Variants in BAHCC1 observed in about 807,000 individuals in gnomAD.
BAHCC1 encodes the protein BAH and coiled-coil domain-containing protein 1.
Under a neutral mutation model 88.2 loss-of-function variants are expected in BAHCC1, and 43 were observed. That is an observed-to-expected ratio of 0.49 (90% CI 0.38 to 0.63). BAHCC1 has a LOEUF of 0.63. Among genes scored for constraint, BAHCC1 ranks in the 20% least tolerant of loss-of-function variants. The pLI is 0.00. For synonymous variants in BAHCC1, 1,510 were observed against 745.5 expected, an observed-to-expected ratio of 2.03 and a Z score of -16.71; for missense variants, 3,023 against 1,654.8, an observed-to-expected ratio of 1.83 and a Z score of -14.34.
At chr17:81,441,668 CAAAAAA>C (rs11333301) in intron 4 of BAHCC1, among the ~76,000 whole-genome samples, 157 bp from the exon 5 acceptor site, 1 of 91,668 alleles carries the variant, frequency 1.1e-5, no homozygotes, top group Non-Finnish European at 2.1e-5. Flanking sequence ...GACTCCGTCT[CAAAAAA>C]AAAAAAAAAA....
Position 81,443,328 on chromosome 17 carries a change from C to T in BAHCC1, c.1979C>T (p.Ala660Val), listed in dbSNP as rs1555653264. ...TTGGTGGGCCTGGGTGGCCTCAAGG[C>T]CAGCTGCATCCAGCAGGAAGCAAAG... ...APLVGLGGLKASCIQQEAKFL... is the reference protein window; with the variant it reads ...APLVGLGGLKVSCIQQEAKFL... The change falls in exon 5 of 28, where the codon GCC becomes GTC. Residue 660 changes from alanine (A) to valine (V), a missense_variant. Coordinates refer to ENST00000675386, the MANE Select transcript of BAHCC1 (RefSeq NM_001377448.1). 2 of 779,142 alleles carry T rather than the reference C, an allele frequency of 2.6e-6. No individual in the cohort carries two copies. The highest frequency in any genetic ancestry group is 3.4e-5 in the Admixed American group (2 of 58,988). 48.3% of individuals were successfully genotyped at this position (779,142 alleles called of 1,614,324 possible).
chr17:81,456,058 C>T (rs1555657197), intron 15 of BAHCC1: 6 of 530,602 alleles, frequency 1.1e-5, no homozygotes, highest in African/African-American at 2.0e-5. Context: ...TCCTCCATGT[C>T]CCCTACGTGG....
At chr17:81,404,839 T>C (rs1409347289) in intron 2 of BAHCC1, among the ~76,000 whole-genome samples, 1 of 152,028 alleles carries the variant, frequency 6.6e-6, no homozygotes, top group African/African-American at 2.4e-5. Flanking sequence ...TTGTTCTCCT[T>C]CTCTCTGTGT....
Position 81,461,733 on chromosome 17 carries a change from T to A in BAHCC1, c.7070T>A (p.Leu2357Gln), listed in dbSNP as rs1274585496. The stretch of plus-strand genomic sequence containing the variant: ...TCAGACGACGAGGACCCGGCTCTGC[T>A]GCTGCAGACCTGCCTCACCCACCCC... ...YSSDDEDPAL[L>Q]LQTCLTHPVP... The change falls in exon 26 of 28, where the codon CTG becomes CAG. Residue 2357 changes from leucine to glutamine, a missense_variant. Leu to Gln is a moderately radical substitution (Grantham distance 113, BLOSUM62 -2). Transcript: ENST00000675386. 5 of 718,412 alleles carry A rather than the reference T, an allele frequency of 7.0e-6. No individual in the cohort carries two copies. Among genetic ancestry groups the A allele is most frequent in the Non-Finnish European group, 7.8e-6 (3 of 385,754 alleles). The allele number at this position is 718,412 out of a possible 1,614,324, so 44.5% of individuals were successfully genotyped here.
At position 81,399,472 on chromosome 17, in the gene BAHCC1, G is replaced by T; in HGVS notation, c.-206-62G>T. The T allele has an allele frequency of 5.0e-6, 1 of 200,658 alleles. No homozygotes were observed. The highest frequency in any genetic ancestry group is 1.1e-5 in the Non-Finnish European group (1 of 91,706). The allele number at this position is 200,658 out of a possible 1,614,324, so 12.4% of individuals were successfully genotyped here. A position where few individuals can be genotyped will look rare whatever the true frequency, so the allele number is the denominator to read the frequency against. ...GGGGAGTGGGTGAGCGGGCGGGGCG[G>T]GGACCCCCGGGCGAGCCGAGCCCCC... On this transcript the variant is annotated intron_variant, in intron 1 of 27. Coordinates refer to ENST00000675386, the MANE Select transcript of BAHCC1 (RefSeq NM_001377448.1). The surrounding 1 kb of genome is among the most constrained non-coding windows in gnomAD (Gnocchi z 4.5).
At chr17:81,397,052 G>A (rs1380883909) in intron 1 of BAHCC1, 5 of 151,996 alleles carry the variant, frequency 3.3e-5, no homozygotes, top group Admixed American at 6.5e-5. Flanking sequence ...CGGGCCGTGT[G>A]GCCGCCCTTC....
chr17:81,411,044 C>T lies in BAHCC1; in HGVS notation c.178+11127C>T, dbSNP rs1555647751. ...ATGTCTGTGTGAAGGCCTGGGGCCC[C>T]CGTGCGCCTCCCCTCGGGCCTGAGG... On this transcript the variant is annotated intron_variant, in intron 2 of 27. Coordinates refer to ENST00000675386, the MANE Select transcript of BAHCC1 (RefSeq NM_001377448.1). This position sits in a 1 kb window ranked among gnomAD's most constrained non-coding sequence, Gnocchi z 6.2. 7.7e-6 allele frequency: 4 copies of T among 518,282 alleles called. No individual in the cohort carries two copies. The highest frequency in any genetic ancestry group is 3.9e-5 in the Admixed American group (2 of 51,478). 32.1% of individuals were successfully genotyped at this position (518,282 alleles called of 1,614,324 possible).
chr17:81,418,810 C>CGTGTGTGTGTGTGTGTGT (rs70938163), intron 2 of BAHCC1, among the ~76,000 whole-genome samples: 31 of 146,332 alleles, frequency 2.1e-4, no homozygotes, highest in Non-Finnish European at 3.6e-4. Flanking sequence ...TGTGTGTGTA[C>CGTGTGTGTGTGTGTGTGT]GTGTGTGTGT....
At chr17:81,446,830 G>C (rs2064537181) in intron 10 of BAHCC1, 1 of 682,364 alleles carries the variant, frequency 1.5e-6, no homozygotes, top group Non-Finnish European at 2.7e-6. Flanking sequence ...TGGGATTACA[G>C]GTGTGAGCTA....
At chr17:81,443,696 ATCC>A in intron 5 of BAHCC1, 110 bp from the exon 6 acceptor site, 2 of 650,178 alleles carry the variant, frequency 3.1e-6, no homozygotes, top group Admixed American at 2.2e-5. Context: ...GGACCAGGGG[ATCC>A]TCCTCAGTGC....
At position 81,461,516 on chromosome 17, in the gene BAHCC1, G is replaced by T; in HGVS notation, c.6853G>T (p.Asp2285Tyr). ...CCAGGCAGAGTTCCCGCTGCCCTAC[G>T]ACAGCGACTGCCACAGCTCCTTCTC... ...AGQAEFPLPY[D>Y]SDCHSSFSDE... Residue 2285 changes from aspartate to tyrosine, a missense_variant, in exon 26 of 28, where the codon GAC becomes TAC. Physicochemically the swap from Asp to Tyr is radical, Grantham distance 160. Transcript: ENST00000675386. The T allele has an allele frequency of 2.7e-6, 2 of 739,226 alleles. No individual in the cohort carries two copies. The highest frequency in any genetic ancestry group is 5.0e-6 in the Non-Finnish European group (2 of 397,548). 45.8% of individuals were successfully genotyped at this position (739,226 alleles called of 1,614,324 possible). A position where few individuals can be genotyped will look rare whatever the true frequency, so the allele number is the denominator to read the frequency against.
intron 4 of BAHCC1, 56 bp downstream of exon 4, chr17:81,438,548 G>A (rs2064369625): frequency 1.4e-6 from 1 of 729,662 alleles, no homozygotes; most frequent in African/African-American, 1.7e-5. Flanking sequence ...TGGGGAGGGG[G>A]CGCAGGAGCT....
chr17:81,457,490 A>T lies in BAHCC1; in HGVS notation c.4939A>T (p.Thr1647Ser), dbSNP rs12601317. ...PPREAGLLLHTGASVAVLGPS... is the reference protein window; with the variant it reads ...PPREAGLLLHSGASVAVLGPS... ...CAGGGAAGCAGGGCTGCTGCTGCAC[A>T]CCGGGGCCAGTGTGGCCGTGCTGGG... The change falls in exon 17 of 28, where the codon ACC becomes TCC. Residue 1647 changes from threonine to serine, a missense_variant. Physicochemically the swap from Thr to Ser is moderately conservative, Grantham distance 58. Transcript: ENST00000675386. 1 of 763,114 alleles carries T rather than the reference A, an allele frequency of 1.3e-6. No homozygotes were observed. The highest frequency in any genetic ancestry group is 1.7e-5 in the African/African-American group (1 of 58,938). The allele number at this position is 763,114 out of a possible 1,614,324, so 47.3% of individuals were successfully genotyped here.
At position 81,445,400 on chromosome 17, in the gene BAHCC1, A is replaced by G. The variant is rs369933207; in HGVS notation, c.2882A>G (p.Glu961Gly). The change falls in exon 10 of 28, where the codon GAG becomes GGG. Residue 961 changes from glutamate (E) to glycine (G), a missense_variant. Glu to Gly is a moderately conservative substitution (Grantham distance 98). Transcript: ENST00000675386. ...QHLDLEEPAQ[E>G]KAPKSTHKPV... is the part of the protein sequence containing the mutation. ...CTGGATCTGGAGGAGCCCGCCCAGG[A>G]GAAGGCCCCAAAGTCCACCCACAAG... 1.3e-6 allele frequency: 1 copy of G among 777,122 alleles called. No individual in the cohort carries two copies. The highest frequency in any genetic ancestry group is 2.4e-6 in the Non-Finnish European group (1 of 417,242). 48.1% of individuals were successfully genotyped at this position (777,122 alleles called of 1,614,324 possible).
Position 81,395,508 on chromosome 17 carries a change from T to C in BAHCC1, c.-334T>C, listed in dbSNP as rs1246803767. The C allele has an allele frequency of 6.6e-6, 1 of 151,542 alleles. No homozygotes were observed. Among genetic ancestry groups the C allele is most frequent in the South Asian group, 2.1e-4 (1 of 4,688 alleles). 9.4% of individuals were successfully genotyped at this position (151,542 alleles called of 1,614,324 possible). On this transcript the variant is annotated 5_prime_UTR_variant, in exon 1 of 28. Transcript: ENST00000675386. ...CTCTGGATGGGCTCGCTAGAGTCGTTGTTGTGGAAGCGGTGCATTTACAGT... is the reference window on the plus strand; with the variant it reads ...CTCTGGATGGGCTCGCTAGAGTCGTCGTTGTGGAAGCGGTGCATTTACAGT...
At chr17:81,398,534 C>A (rs1157344697) in intron 1 of BAHCC1, among the ~76,000 whole-genome samples, 2 of 152,224 alleles carry the variant, frequency 1.3e-5, no homozygotes, top group Admixed American at 1.3e-4. Flanking sequence ...TCGCGGTCCC[C>A]GGCAGGCGCT....
intron 15 of BAHCC1, among the ~76,000 whole-genome samples, chr17:81,455,793 CGCT>C (rs1358098437): frequency 5.7e-4 from 87 of 152,164 alleles, no homozygotes; most frequent in Middle Eastern, 3.4e-3. Flanking sequence ...GGGCTCCCCA[CGCT>C]GCTGGCACCC....
At chr17:81,441,029 A>G (rs145707704) in intron 4 of BAHCC1, among the ~76,000 whole-genome samples, 253 of 152,250 alleles carry the variant, frequency 1.7e-3, no homozygotes, top group Non-Finnish European at 3.2e-3. Flanking sequence ...GTAAAGACCC[A>G]GCAGAGATGC....
At position 81,459,247 on chromosome 17, in the gene BAHCC1, C is replaced by T; in HGVS notation, c.5721-6C>T. ...CGTGGCACCTCACATTCCCCAATGC[C>T]CCCAGCTATAGCATCGTCATCGAGG... On this transcript the variant is annotated splice_polypyrimidine_tract_variant and splice_region_variant and intron_variant, in intron 21 of 27. Coordinates refer to ENST00000675386, the MANE Select transcript of BAHCC1 (RefSeq NM_001377448.1). 2 of 778,820 alleles carry T rather than the reference C, an allele frequency of 2.6e-6. No individual in the cohort carries two copies. Among genetic ancestry groups the T allele is most frequent in the Non-Finnish European group, 4.8e-6 (2 of 417,436 alleles). 48.2% of individuals were successfully genotyped at this position (778,820 alleles called of 1,614,324 possible).
Sources: allele counts gnomAD v4.1 joint callset (sites outside exome capture counted in the v4.1 genomes callset), GRCh38; gene constraint gnomAD v4.1.1; non-coding constraint Gnocchi (gnomAD v3.1); transcripts MANE v1.5; gene names NCBI Gene and HGNC (gene_info 2026-07-23, HGNC 2026-07-21).